The following ZNF596 variants were observed in gnomAD, a reference collection of about 807,000 sequenced individuals.
ZNF596 encodes zinc finger protein 596.
ZNF596 carries 45 observed loss-of-function variants against 48.3 expected under a neutral mutation model. The observed-to-expected ratio is 0.93, with a 90% CI of 0.73 to 1.19. ZNF596 has a LOEUF of 1.19. Among genes scored for constraint, ZNF596 ranks in the 50% most tolerant of loss-of-function variants. The pLI, the probability that ZNF596 is intolerant of heterozygous loss-of-function variation, is 0.00. For synonymous variants in ZNF596, 270 were observed against 202.0 expected (o/e 1.34, Z -2.85); for missense variants, 848 against 599.7 (o/e 1.41, Z -4.32).
chr8:235,315 C>T (rs1171176419), intron 1 of ZNF596, among the ~76,000 whole-genome samples: 16 of 152,280 alleles, frequency 1.1e-4, no homozygotes, highest in Non-Finnish European at 2.9e-5. Flanking sequence ...CTGAGGGTTC[C>T]TCCACTTGGG....
chr8:244,406 T>G (rs1006301519), intron 4 of ZNF596: 7 of 550,206 alleles, frequency 1.3e-5, no homozygotes, highest in Non-Finnish European at 2.2e-5. Flanking sequence ...TTGAAAATTT[T>G]TCTTTCCTTC....
chr8:241,055 G>C lies in ZNF596; in HGVS notation c.12+148G>C, dbSNP rs926231546. The C allele has an allele frequency of 6.2e-6, 6 of 973,876 alleles. No homozygotes were observed. The African/African-American group carries it at 9.6e-5, about 16-fold the overall frequency. The allele number at this position is 973,876 out of a possible 1,614,324, so 60.3% of individuals were successfully genotyped here. On this transcript the variant is annotated intron_variant, in intron 2 of 5. Coordinates refer to ENST00000398612, the MANE Select transcript of ZNF596 (RefSeq NM_001042416.3). ...CCCAGGGCTTCGGAATGTTTACATTGGCTCAAAGAGTCATCAAGAAGTAAT... is the reference window on the plus strand; with the variant it reads ...CCCAGGGCTTCGGAATGTTTACATTCGCTCAAAGAGTCATCAAGAAGTAAT...
intron 2 of ZNF596, among the ~76,000 whole-genome samples, chr8:242,172 C>A (rs1796878342): frequency 6.6e-6 from 1 of 152,088 alleles, no homozygotes; most frequent in East Asian, 1.9e-4. Context: ...AGGATGAGAC[C>A]ATCTTTCAGT....
chr8:233,446 T>A (rs1008117949), intron 1 of ZNF596: 3 of 280,066 alleles, frequency 1.1e-5, no homozygotes, highest in African/African-American at 6.9e-5. Context: ...AAATGCTTTT[T>A]ACATTAATTC....
intron 1 of ZNF596, among the ~76,000 whole-genome samples, chr8:239,333 T>C (rs1410184006): frequency 6.6e-6 from 1 of 152,116 alleles, no homozygotes; most frequent in Non-Finnish European, 1.5e-5. Flanking sequence ...AGATTACAGG[T>C]GCCTGCCACC....
chr8:243,281 A>G (rs984275714), intron 3 of ZNF596: 1 of 325,284 alleles, frequency 3.1e-6, no homozygotes, highest in East Asian at 5.4e-5. Context: ...CAAACTCAGA[A>G]AAGTTATGGT....
intron 1 of ZNF596, among the ~76,000 whole-genome samples, chr8:235,844 C>A (rs970178309): frequency 6.6e-6 from 1 of 152,130 alleles, no homozygotes; most frequent in African/African-American, 2.4e-5. Flanking sequence ...ATTTATATGA[C>A]TTATTTTAAA....
chr8:232,587 C>T lies in ZNF596; in HGVS notation c.-180C>T. On this transcript the variant is annotated 5_prime_UTR_variant, in exon 1 of 6. Coordinates refer to ENST00000398612, the MANE Select transcript of ZNF596 (RefSeq NM_001042416.3). ...AAATGCTCCGAAGCCTGTCGCCCAG[C>T]TGCCAGATCTGCGTCTGTGTCCGGT... 6.3e-6 allele frequency: 2 copies of T among 319,570 alleles called. No homozygotes were observed. Among genetic ancestry groups the T allele is most frequent in the Non-Finnish European group, 1.3e-5 (2 of 155,690 alleles). 19.8% of individuals were successfully genotyped at this position (319,570 alleles called of 1,614,324 possible).
intron 1 of ZNF596, among the ~76,000 whole-genome samples, chr8:239,377 C>T (rs144111575): frequency 3.3e-5 from 5 of 152,138 alleles, no homozygotes; most frequent in Non-Finnish European, 4.4e-5. Context: ...TTAGTAGAAA[C>T]GGGGTTTTGG....
chr8:245,195 A>T lies in ZNF596; in HGVS notation c.348A>T (p.Leu116Phe). The T allele has an allele frequency of 6.2e-7, 1 of 1,608,988 alleles. No individual in the cohort carries two copies. Among genetic ancestry groups the T allele is most frequent in the Non-Finnish European group, 8.5e-7 (1 of 1,176,874 alleles). The change falls in exon 6 of 6, where the codon TTA (leucine) becomes TTT (phenylalanine). Residue 116 changes from leucine to phenylalanine, a missense_variant. Transcript: ENST00000398612. Reference protein sequence around the residue: ...TQEDPFLCNDLGEDFTQHIAL... With the variant: ...TQEDPFLCNDFGEDFTQHIAL... Reference sequence around the variant, plus strand: ...AGGATCCTTTTCTATGCAATGACTTAGGAGAAGATTTCACTCAACATATAG... The same window carrying T: ...AGGATCCTTTTCTATGCAATGACTTTGGAGAAGATTTCACTCAACATATAG...
chr8:242,857 G>A (rs969555725), intron 2 of ZNF596, 30 bp from the exon 3 acceptor site: 1 of 1,466,236 alleles, frequency 6.8e-7, no homozygotes, highest in Non-Finnish European at 9.1e-7. Flanking sequence ...AGATAGCCCT[G>A]TTTGCAGTAG....
At chr8:239,183 G>A (rs1796748010) in intron 1 of ZNF596, among the ~76,000 whole-genome samples, 2 of 152,112 alleles carry the variant, frequency 1.3e-5, no homozygotes, top group African/African-American at 4.8e-5. Context: ...AGGGTCCTAA[G>A]AACTCCTCCC....
chr8:243,029 T>C lies in ZNF596; in HGVS notation c.139+16T>C, dbSNP rs770277834. ...GTCTCTATTGGTGAGTCTCTTTATA[T>C]TTATTATGTATGTATATACGGATTC... On this transcript the variant is annotated intron_variant, in intron 3 of 5. Transcript: ENST00000398612. The C allele has an allele frequency of 6.2e-7, 1 of 1,604,086 alleles. No homozygotes were observed. Among genetic ancestry groups the C allele is most frequent in the East Asian group, 2.2e-5 (1 of 44,618 alleles).
chr8:242,795 C>T (rs963051740), intron 2 of ZNF596, 92 bp from the exon 3 acceptor site: 1 of 1,245,552 alleles, frequency 8.0e-7, no homozygotes, highest in Non-Finnish European at 1.0e-6. Flanking sequence ...TTCATACCAC[C>T]CACACTTCCT....
Position 240,830 on chromosome 8 carries a change from C to T in ZNF596, c.-66C>T. ...TGTTTTTGTTTTTGCTCAGATTTGT[C>T]TTCTTAGTGCTTGGATGGTGTGAGT... is the stretch of plus-strand genomic sequence containing the variant. On this transcript the variant is annotated 5_prime_UTR_variant, in exon 2 of 6. Coordinates refer to ENST00000398612, the MANE Select transcript of ZNF596 (RefSeq NM_001042416.3). 3.7e-6 allele frequency: 6 copies of T among 1,600,356 alleles called. No individual in the cohort carries two copies. Among genetic ancestry groups the T allele is most frequent in the Non-Finnish European group, 5.1e-6 (6 of 1,167,874 alleles).
chr8:238,560 A>G (rs1796713048), intron 1 of ZNF596, among the ~76,000 whole-genome samples: 1 of 145,068 alleles, frequency 6.9e-6, no homozygotes, highest in African/African-American at 2.5e-5. Flanking sequence ...CAGCACTTTG[A>G]GAGGCCGAGG....
chr8:238,963 C>T (rs2117081684), intron 1 of ZNF596, among the ~76,000 whole-genome samples: 1 of 151,766 alleles, frequency 6.6e-6, no homozygotes, highest in Non-Finnish European at 1.5e-5. Context: ...CAAAGAAAAA[C>T]CATAATAAAA....
Position 246,543 on chromosome 8 carries a change from T to G in ZNF596, c.*181T>G. 5.9e-6 allele frequency: 4 copies of G among 677,830 alleles called. No homozygotes were observed. The highest frequency in any genetic ancestry group is 3.5e-5 in the Admixed American group (1 of 28,776). 42.0% of individuals were successfully genotyped at this position (677,830 alleles called of 1,614,324 possible). A position where few individuals can be genotyped will look rare whatever the true frequency, so the allele number is the denominator to read the frequency against. On this transcript the variant is annotated 3_prime_UTR_variant, in exon 6 of 6. Transcript: ENST00000398612. ...TGTTTATGGCACAAACTTCAGACTCTAGGCTGACCATATACAACGTGAGAG... is the reference window on the plus strand; with the variant it reads ...TGTTTATGGCACAAACTTCAGACTCGAGGCTGACCATATACAACGTGAGAG...
At chr8:235,129 T>C (rs190937007) in intron 1 of ZNF596, among the ~76,000 whole-genome samples, 180 of 152,318 alleles carry the variant, frequency 1.2e-3, no homozygotes, top group Non-Finnish European at 2.0e-3. Context: ...TAGCATTTCA[T>C]CCACACGATG....
Sources: allele counts gnomAD v4.1 joint callset (sites outside exome capture counted in the v4.1 genomes callset), GRCh38; gene constraint gnomAD v4.1.1; transcripts MANE v1.5; gene names NCBI Gene and HGNC (gene_info 2026-07-23, HGNC 2026-07-21).